Variants in DSCAM observed in about 807,000 individuals in gnomAD.
The protein encoded by DSCAM is DS cell adhesion molecule, also known as cell adhesion molecule DSCAM.
Under a neutral mutation model 217.7 loss-of-function variants are expected in DSCAM, and 47 were observed. The observed-to-expected ratio is 0.22, with a 90% CI of 0.17 to 0.28. DSCAM has a LOEUF of 0.28. Among genes scored for constraint, DSCAM ranks in the 10% least tolerant of loss-of-function variants. DSCAM has a pLI of 1.00. For missense variants in DSCAM, 2,080 were observed against 2,618.3 expected, an observed-to-expected ratio of 0.79 and a Z score of 4.49; for synonymous variants, 1,056 against 1,015.3, an observed-to-expected ratio of 1.04 and a Z score of -0.76.
chr21:40,242,392 A>G (rs1210481276), intron 11 of DSCAM, among the ~76,000 whole-genome samples: 1 of 152,150 alleles, frequency 6.6e-6, no homozygotes, highest in African/African-American at 2.4e-5. Context: ...TTAGCCAATG[A>G]GCTGTGAGTA....
At chr21:40,572,878 A>G (rs764129458) in intron 3 of DSCAM, among the ~76,000 whole-genome samples, 12 of 152,202 alleles carry the variant, frequency 7.9e-5, no homozygotes, top group Non-Finnish European at 1.3e-4. Context: ...AGAACATAGG[A>G]GATTTTAATA....
At chr21:40,303,248 A>G (rs1217197988) in intron 9 of DSCAM, among the ~76,000 whole-genome samples, 1 of 152,092 alleles carries the variant, frequency 6.6e-6, no homozygotes, top group East Asian at 1.9e-4. Context: ...TCTCTGCCTT[A>G]CACTTTCTGT....
chr21:40,425,572 G>C (rs577392429), intron 3 of DSCAM, among the ~76,000 whole-genome samples: 8 of 147,814 alleles, frequency 5.4e-5, no homozygotes, highest in East Asian at 2.0e-4. Context: ...TTAGCTGGGC[G>C]TGGTGGCGGG....
In DSCAM at chr21:40,782,140, C is replaced by T. The variant is rs543596019; in HGVS notation, c.43+64479G>A. Among the ~76,000 whole-genome samples the T allele has an allele frequency of 7.4e-4, 112 of 152,006 alleles. 1 individual carries two copies. The highest frequency in any genetic ancestry group is 6.9e-3 in the Admixed American group (105 of 15,272). ...GAGCCGAGATCACGCCACTGCACTC[C>T]AGCCTGGGCGACAGAGCGAGACTCC... is the stretch of plus-strand genomic sequence containing the variant. On this transcript the variant is annotated intron_variant, in intron 1 of 32. Transcript: ENST00000400454.
At chr21:40,603,928 T>C (rs1262953617) in intron 3 of DSCAM, among the ~76,000 whole-genome samples, 2 of 10,274 alleles carry the variant, frequency 1.9e-4, no homozygotes, top group East Asian at 0.016. Flanking sequence ...TGCATTTCTT[T>C]TTTTTTTTTT....
intron 3 of DSCAM, among the ~76,000 whole-genome samples, chr21:40,660,800 A>T (rs2090130659): frequency 6.6e-6 from 1 of 152,258 alleles, no homozygotes; most frequent in East Asian, 1.9e-4. Context: ...CAAGACAATA[A>T]GACAACAACC....
chr21:40,516,991 A>G (rs1246757168), intron 3 of DSCAM, among the ~76,000 whole-genome samples: 1 of 147,662 alleles, frequency 6.8e-6, no homozygotes, highest in Non-Finnish European at 1.5e-5. Context: ...ATATATACAT[A>G]TATATACACC....
At chr21:40,385,538 C>T (rs114765763) in intron 3 of DSCAM, among the ~76,000 whole-genome samples, 1,914 of 152,278 alleles carry the variant, frequency 0.013, 41 homozygotes, top group African/African-American at 0.043. Flanking sequence ...ACATAAGAGA[C>T]GTACTAATAC....
intron 11 of DSCAM, among the ~76,000 whole-genome samples, chr21:40,235,761 T>C (rs2091423878): frequency 6.6e-6 from 1 of 152,024 alleles, no homozygotes; most frequent in African/African-American, 2.4e-5. Flanking sequence ...CAGGCTTGCA[T>C]TCCTTTTCAG....
intron 3 of DSCAM, among the ~76,000 whole-genome samples, chr21:40,679,633 T>C (rs1442315424): frequency 6.6e-6 from 1 of 152,262 alleles, no homozygotes; most frequent in Non-Finnish European, 1.5e-5. Flanking sequence ...TGCAAATACA[T>C]ACTCTGATTT....
intron 3 of DSCAM, chr21:40,618,624 A>C (rs936343537): frequency 2.6e-5 from 4 of 152,078 alleles, no homozygotes; most frequent in African/African-American, 9.7e-5. Flanking sequence ...TTGAAACAGG[A>C]GAGCACAACC....
intron 3 of DSCAM, among the ~76,000 whole-genome samples, chr21:40,499,448 G>A (rs1194358730): frequency 6.6e-6 from 1 of 152,164 alleles, no homozygotes; most frequent in African/African-American, 2.4e-5. Flanking sequence ...ATAGCAGCCA[G>A]AACCTTCCAA....
At chr21:40,759,072 A>T (rs557959573) in intron 1 of DSCAM, among the ~76,000 whole-genome samples, 2 of 152,096 alleles carry the variant, frequency 1.3e-5, no homozygotes, top group Non-Finnish European at 2.9e-5. Flanking sequence ...GGTAGTGAGG[A>T]GGCACAAAAA....
At chr21:40,269,401 G>A (rs571708116) in intron 11 of DSCAM, among the ~76,000 whole-genome samples, 10 of 152,250 alleles carry the variant, frequency 6.6e-5, no homozygotes, top group Middle Eastern at 3.4e-3. Context: ...GATGGGTCCC[G>A]GCCAGGGCTC....
intron 3 of DSCAM, among the ~76,000 whole-genome samples, chr21:40,455,894 G>A (rs961783260): frequency 7.2e-5 from 11 of 152,234 alleles, no homozygotes; most frequent in Admixed American, 5.2e-4. Context: ...GAGAGACAGG[G>A]AAGAAGACAA....
chr21:40,375,236 A>G (rs2074938289), intron 3 of DSCAM, among the ~76,000 whole-genome samples: 1 of 152,220 alleles, frequency 6.6e-6, no homozygotes, highest in Non-Finnish European at 1.5e-5. Flanking sequence ...TGTAGCTTTC[A>G]AACTCTCTGT....
At chr21:40,381,324 T>C (rs960699940) in intron 3 of DSCAM, among the ~76,000 whole-genome samples, 1 of 152,106 alleles carries the variant, frequency 6.6e-6, no homozygotes, top group African/African-American at 2.4e-5. Context: ...AGAATGCTAT[T>C]GGATGTGCTC....
At chr21:40,390,733 T>C (rs2075126665) in intron 3 of DSCAM, among the ~76,000 whole-genome samples, 1 of 152,172 alleles carries the variant, frequency 6.6e-6, no homozygotes, top group African/African-American at 2.4e-5. Flanking sequence ...ATGTTCTCTC[T>C]GTGTTTAAGT....
chr21:40,669,802 C>T (rs949624915), intron 3 of DSCAM, among the ~76,000 whole-genome samples: 3 of 152,074 alleles, frequency 2.0e-5, no homozygotes, highest in South Asian at 4.1e-4. Flanking sequence ...TCATCTCGAA[C>T]TCAGGTAATC....
Sources: allele counts gnomAD v4.1 joint callset (sites outside exome capture counted in the v4.1 genomes callset), GRCh38; gene constraint gnomAD v4.1.1; transcripts MANE v1.5; gene names NCBI Gene and HGNC (gene_info 2026-07-23, HGNC 2026-07-21).